MORC2: variants seen among roughly 807,000 people sequenced by gnomAD.
The protein encoded by MORC2 is ATPase MORC2.
In MORC2, 30 loss-of-function variants were observed where a neutral mutation model predicts 136.0. That is an observed-to-expected ratio of 0.22 (90% confidence interval 0.17 to 0.30). MORC2 has a LOEUF of 0.30. Among genes scored for constraint, MORC2 ranks in the 10% least tolerant of loss-of-function variants. The pLI, the probability that MORC2 is intolerant of heterozygous loss-of-function variation, is 1.00. For missense variants in MORC2, 922 were observed against 1,333.1 expected, an observed-to-expected ratio of 0.69 and a Z score of 4.80; for synonymous variants, 439 against 487.0, an observed-to-expected ratio of 0.90 and a Z score of 1.30.
At chr22:30,950,336 C>CGGGGGGGGG in intron 4 of MORC2, 41 bp downstream of exon 4, 1 of 763,998 alleles carries the variant, frequency 1.3e-6, no homozygotes, top group Non-Finnish European at 2.4e-6. Flanking sequence ...ATGGTTACAT[C>CGGGGGGGGG]GCACCCCCCC....
chr22:30,966,882 G>A (rs925641249), intron 1 of MORC2, among the ~76,000 whole-genome samples: 2 of 152,280 alleles, frequency 1.3e-5, no homozygotes, highest in South Asian at 2.1e-4. Context: ...AGGAAAAATA[G>A]AAATATTACA....
Position 30,934,328 on chromosome 22 carries a change from T to C in MORC2, c.2194-137A>G. 7.7e-7 allele frequency: 1 copy of C among 1,296,028 alleles called. No homozygotes were observed. The highest frequency in any genetic ancestry group is 1.0e-6 in the Non-Finnish European group (1 of 953,528). 80.3% of individuals were successfully genotyped at this position (1,296,028 alleles called of 1,614,324 possible). On this transcript the variant is annotated intron_variant, in intron 19 of 25. Coordinates refer to ENST00000397641, the MANE Select transcript of MORC2 (RefSeq NM_001303256.3). This position sits in a 1 kb window ranked among gnomAD's most constrained non-coding sequence, Gnocchi z 4.4. ...TCCCTGCCTGACATTACTTGGAATG[T>C]ACACAGGCAACCCACTGGCCCCTGC...
intron 5 of MORC2, among the ~76,000 whole-genome samples, chr22:30,948,644 C>T (rs193280052): frequency 2.2e-4 from 34 of 152,322 alleles, no homozygotes; most frequent in African/African-American, 8.2e-4. Context: ...GTGAAATGCA[C>T]AGCAGCTCCA....
chr22:30,954,541 G>A (rs1053545646), intron 3 of MORC2, among the ~76,000 whole-genome samples: 3 of 152,128 alleles, frequency 2.0e-5, no homozygotes, highest in Non-Finnish European at 4.4e-5. Flanking sequence ...TAAAGACTAA[G>A]TTCTTAAAGC....
chr22:30,963,438 T>A, intron 1 of MORC2: 1 of 442,538 alleles, frequency 2.3e-6, no homozygotes. Flanking sequence ...CCGGCTGGAG[T>A]GCAGCGGCAT....
intron 1 of MORC2, among the ~76,000 whole-genome samples, chr22:30,962,069 A>G (rs1207391340): frequency 1.3e-5 from 2 of 152,074 alleles, no homozygotes; most frequent in Non-Finnish European, 2.9e-5. Context: ...ATGGTGGCGG[A>G]CACCTGTAAT....
At chr22:30,963,585 C>T (rs2240181) in intron 1 of MORC2, among the ~76,000 whole-genome samples, 29,446 of 151,880 alleles carry the variant, frequency 0.19, 3,559 homozygotes, top group Non-Finnish European at 0.28. Flanking sequence ...GGGGTTTCAC[C>T]GTGTTGGCCA....
chr22:30,967,526 T>C (rs1337828986), intron 1 of MORC2: 1 of 1,194,212 alleles, frequency 8.4e-7, no homozygotes, highest in African/African-American at 1.6e-5. Flanking sequence ...GCAGTATTTG[T>C]TGGATTCCTA....
At chr22:30,933,154 A>G (rs2040601061) in intron 21 of MORC2, 124 bp from the exon 22 acceptor site, 1 of 1,370,348 alleles carries the variant, frequency 7.3e-7, no homozygotes, top group East Asian at 2.3e-5. Context: ...GCTTGCCCCC[A>G]CTACACCAGG....
At chr22:30,928,543 A>G (rs2040525047) in intron 24 of MORC2, among the ~76,000 whole-genome samples, 1 of 152,230 alleles carries the variant, frequency 6.6e-6, no homozygotes, top group Non-Finnish European at 1.5e-5. Flanking sequence ...TCCATGCTCA[A>G]TCATAACCTG....
chr22:30,933,191 A>G (rs2040601686), intron 21 of MORC2, among the ~76,000 whole-genome samples, 161 bp from the exon 22 acceptor site: 1 of 152,134 alleles, frequency 6.6e-6, no homozygotes, highest in African/African-American at 2.4e-5. Context: ...ACCAGCCACC[A>G]TGGTCTCCTT....
In MORC2 at chr22:30,926,915, AT is replaced by A. The variant is rs777557794; in HGVS notation, c.3031-45del. The A allele has an allele frequency of 6.5e-6, 10 of 1,543,518 alleles. No individual in the cohort carries two copies. The African/African-American group carries it at 1.1e-4, about 17-fold the overall frequency. On this transcript the variant is annotated intron_variant, in intron 25 of 25. Transcript: ENST00000397641. ...GGGATCAACTGGGGGCCAGAAAGTG[AT>A]TGGGGGGCTCACCTTTCCACCCTTC...
At chr22:30,933,558 C>G (rs999381961) in intron 20 of MORC2, 38 bp from the exon 21 acceptor site, 2 of 1,607,250 alleles carry the variant, frequency 1.2e-6, no homozygotes, top group East Asian at 4.5e-5. Context: ...ATCCCCAGTG[C>G]CCCCCAAGAG....
In MORC2 at chr22:30,950,376, CT is replaced by C; in HGVS notation, c.226del (p.Ser76ValfsTer6). Reference sequence around the variant, plus strand: ...CCCAAAACAATAATCTCATCACTTACTTGGATCCATTCCTGCTCCATCATCC... The same window carrying C: ...CCCAAAACAATAATCTCATCACTTACTGGATCCATTCCTGCTCCATCATCC... ...FLDDGAGMDP[S>X]DAASVIQFGK... is the part of the protein sequence containing the mutation. On this transcript the variant is annotated frameshift_variant and splice_region_variant, in exon 4 of 26. Coordinates refer to ENST00000397641, the MANE Select transcript of MORC2 (RefSeq NM_001303256.3). LOFTEE classifies it high-confidence loss of function. 9.2e-7 allele frequency: 1 copy of C among 1,092,470 alleles called. No individual in the cohort carries two copies. The highest frequency in any genetic ancestry group is 1.3e-6 in the Non-Finnish European group (1 of 756,780). 67.7% of individuals were successfully genotyped at this position (1,092,470 alleles called of 1,614,324 possible).
chr22:30,946,296 C>G, intron 6 of MORC2, 45 bp downstream of exon 6: 2 of 1,510,758 alleles, frequency 1.3e-6, no homozygotes, highest in East Asian at 2.3e-5. Flanking sequence ...TGGGCAGACT[C>G]AGGAAATGAG....
At chr22:30,950,347 A>G (rs374003020) in intron 4 of MORC2, 30 bp downstream of exon 4, 7 of 400,082 alleles carry the variant, frequency 1.7e-5, no homozygotes, top group Non-Finnish European at 3.1e-5. Flanking sequence ...GCACCCCCCC[A>G]CCCCCCAAAA....
In MORC2 at chr22:30,926,491, C is replaced by G. The variant is rs1442580588; in HGVS notation, c.*312G>C. 1 of 162,984 alleles carries G rather than the reference C, an allele frequency of 6.1e-6. No homozygotes were observed. The highest frequency in any genetic ancestry group is 8.9e-5 in the Admixed American group (1 of 11,224). 10.1% of individuals were successfully genotyped at this position (162,984 alleles called of 1,614,324 possible). On this transcript the variant is annotated 3_prime_UTR_variant, in exon 26 of 26. Coordinates refer to ENST00000397641, the MANE Select transcript of MORC2 (RefSeq NM_001303256.3). ...CTTGAGGAGCCAGGAGCTGAAATGG[C>G]TCCGGCTTAGCAACCCAGTATGGCC... is the stretch of plus-strand genomic sequence containing the variant.
chr22:30,942,124 G>C lies in MORC2; in HGVS notation c.574C>G (p.Pro192Ala). The C allele has an allele frequency of 6.2e-7, 1 of 1,613,778 alleles. No individual in the cohort carries two copies. Among genetic ancestry groups the C allele is most frequent in the Non-Finnish European group, 8.5e-7 (1 of 1,179,682 alleles). The change falls in exon 7 of 26, where the codon CCT (proline) becomes GCT (alanine). Residue 192 changes from proline to alanine, a missense_variant. Pro to Ala is a conservative substitution (Grantham distance 27, BLOSUM62 -1). Coordinates refer to ENST00000397641, the MANE Select transcript of MORC2 (RefSeq NM_001303256.3). ...AAAGCCTACTTACCGCTGTCCCCAG[G>C]AATCTTCATAAACTGGGTCATCACT... is the stretch of plus-strand genomic sequence containing the variant. ...EEVMTQFMKIPGDSGTLVIIF... is the reference protein window; with the variant it reads ...EEVMTQFMKIAGDSGTLVIIF...
At chr22:30,946,966 G>A (rs1004552676) in intron 5 of MORC2, among the ~76,000 whole-genome samples, 4 of 152,104 alleles carry the variant, frequency 2.6e-5, no homozygotes, top group African/African-American at 7.2e-5. Context: ...CTCCATTGAC[G>A]AAACGGCAGC....
Sources: allele counts gnomAD v4.1 joint callset (sites outside exome capture counted in the v4.1 genomes callset), GRCh38; gene constraint gnomAD v4.1.1; non-coding constraint Gnocchi (gnomAD v3.1); transcripts MANE v1.5; gene names NCBI Gene and HGNC (gene_info 2026-07-23, HGNC 2026-07-21).